PRPF39: variants seen among roughly 807,000 people sequenced by gnomAD.
The protein encoded by PRPF39 is pre-mRNA-processing factor 39.
In PRPF39, 27 loss-of-function variants were observed where a neutral mutation model predicts 82.1. That is an observed-to-expected ratio of 0.33 (90% CI 0.24 to 0.45). The LOEUF (loss-of-function observed/expected upper bound fraction) is 0.45. Ranked by LOEUF, PRPF39 falls within the 20% of genes least tolerant of loss-of-function variation. PRPF39 has a pLI of 1.00. For synonymous variants in PRPF39, 261 were observed against 256.4 expected, an observed-to-expected ratio of 1.02 and a Z score of -0.17; for missense variants, 581 against 796.9, an observed-to-expected ratio of 0.73 and a Z score of 3.26.
intron 1 of PRPF39, among the ~76,000 whole-genome samples, chr14:45,092,949 T>A (rs988269275): frequency 5.3e-5 from 8 of 152,114 alleles, no homozygotes; most frequent in South Asian, 4.1e-4. Context: ...GCTGGCTTTT[T>A]AAAAAAATAA....
chr14:45,109,670 T>C lies in PRPF39; in HGVS notation c.1066T>C (p.Trp356Arg). The change falls in exon 8 of 14, where the codon TGG becomes CGG. Residue 356 changes from tryptophan to arginine, a missense_variant. Physicochemically the swap from Trp to Arg is moderately radical, Grantham distance 101. Coordinates refer to ENST00000355765, the MANE Select transcript of PRPF39 (RefSeq NM_017922.4). ...KPLEKAQLKN[W>R]KEYLEFEIEN... ...TTTGGAAAAGGCACAACTAAAAAAC[T>C]GGAAAGAATACTTAGAATTTGAAAT... 2 of 1,608,234 alleles carry C rather than the reference T, an allele frequency of 1.2e-6. No homozygotes were observed. Among genetic ancestry groups the C allele is most frequent in the Non-Finnish European group, 1.7e-6 (2 of 1,176,736 alleles).
chr14:45,108,636 C>T, intron 7 of PRPF39, 114 bp downstream of exon 7: 1 of 1,313,818 alleles, frequency 7.6e-7, no homozygotes, highest in African/African-American at 1.6e-5. Flanking sequence ...ATATTTAAGC[C>T]ATAACTTCAG....
chr14:45,103,505 G>C (rs1461637412), intron 5 of PRPF39, among the ~76,000 whole-genome samples: 1 of 151,866 alleles, frequency 6.6e-6, no homozygotes, highest in Non-Finnish European at 1.5e-5. Flanking sequence ...CTTTTTAAGT[G>C]AGTGATTTTC....
intron 7 of PRPF39, among the ~76,000 whole-genome samples, chr14:45,108,840 A>G (rs11847336): frequency 0.1 from 15,206 of 152,134 alleles, 1,001 homozygotes; most frequent in African/African-American, 0.19. Context: ...CCCATTTTAG[A>G]TATATAGTAA....
chr14:45,085,158 T>C (rs964866814), intron 1 of PRPF39, among the ~76,000 whole-genome samples: 14 of 152,130 alleles, frequency 9.2e-5, no homozygotes, highest in African/African-American at 3.4e-4. Flanking sequence ...GTATGGGAGC[T>C]TGAATGGAGT....
intron 13 of PRPF39, 25 bp from the exon 14 acceptor site, chr14:45,114,832 T>TAAC (rs762766229): frequency 6.4e-7 from 1 of 1,560,078 alleles, no homozygotes; most frequent in South Asian, 1.1e-5. Context: ...TCTAATATGC[T>TAAC]AACATACTTA....
In PRPF39 at chr14:45,109,732, T is replaced by C. The variant is rs1379941394; in HGVS notation, c.1128T>C (p.Phe376=). The C allele has an allele frequency of 1.2e-6, 2 of 1,608,886 alleles. No individual in the cohort carries two copies. The highest frequency in any genetic ancestry group is 4.5e-5 in the East Asian group (2 of 44,802). ...CTCATGAACGAGTTGTGGTTCTCTT[T>C]GAAAGATGTGTCATATCATGTGCCC... ...NGTHERVVVL[F]ERCVISCALY... The change falls in exon 8 of 14, where the codon TTT becomes TTC. Residue 376 remains phenylalanine, a synonymous_variant. Coordinates refer to ENST00000355765, the MANE Select transcript of PRPF39 (RefSeq NM_017922.4).
chr14:45,100,797 T>C (rs913746043), intron 4 of PRPF39, among the ~76,000 whole-genome samples: 6 of 152,216 alleles, frequency 3.9e-5, no homozygotes, highest in Admixed American at 3.3e-4. Flanking sequence ...TTTTATCATA[T>C]GGAGTTTTAT....
Position 45,115,224 on chromosome 14 carries a change from C to T in PRPF39, c.*311C>T. ...TAGCCTTAAGGGGTAGGAAGAAAAA[C>T]CTGACTGCAAATCATGTCAGTGTAG... On this transcript the variant is annotated 3_prime_UTR_variant, in exon 14 of 14. Coordinates refer to ENST00000355765, the MANE Select transcript of PRPF39 (RefSeq NM_017922.4). 5.6e-6 allele frequency: 1 copy of T among 179,202 alleles called. No individual in the cohort carries two copies. The highest frequency in any genetic ancestry group is 1.6e-4 in the South Asian group (1 of 6,356). 11.1% of individuals were successfully genotyped at this position (179,202 alleles called of 1,614,324 possible).
chr14:45,109,460 A>G (rs774677046), intron 7 of PRPF39, among the ~76,000 whole-genome samples, 156 bp from the exon 8 acceptor site: 7 of 152,194 alleles, frequency 4.6e-5, no homozygotes, highest in Non-Finnish European at 5.9e-5. Context: ...AGCTTAAGGA[A>G]TTTAAGGGTT....
chr14:45,109,091 C>G (rs966465029), intron 7 of PRPF39, among the ~76,000 whole-genome samples: 1 of 152,150 alleles, frequency 6.6e-6, no homozygotes, highest in African/African-American at 2.4e-5. Context: ...CCCTCTACCC[C>G]CAGTGCTAAG....
intron 1 of PRPF39, among the ~76,000 whole-genome samples, chr14:45,087,740 A>ATTTTTTTTTTT (rs35926249): frequency 1.6e-5 from 2 of 123,426 alleles, no homozygotes; most frequent in African/African-American, 6.1e-5. Context: ...TGCCCGGCTA[A>ATTTTTTTTTTT]TTTTTTTTTT....
At chr14:45,095,728 GC>G (rs1884177235) in intron 2 of PRPF39, 165 bp downstream of exon 2, 2 of 914,460 alleles carry the variant, frequency 2.2e-6, no homozygotes, top group Admixed American at 3.0e-5. Flanking sequence ...ATAGCTTACA[GC>G]TTTTGTATGT....
At chr14:45,094,109 T>C (rs1884125688) in intron 1 of PRPF39, among the ~76,000 whole-genome samples, 1 of 150,970 alleles carries the variant, frequency 6.6e-6, no homozygotes, top group South Asian at 2.1e-4. Context: ...TTTAATTAAC[T>C]ACTATTAATA....
chr14:45,114,894 A>T lies in PRPF39; in HGVS notation c.1991A>T (p.Tyr664Phe). ...AATCCTTGGAATTATGGACAATATTATCCTCCCCCTCCAACCTGATGGGAA... is the reference window on the plus strand; with the variant it reads ...AATCCTTGGAATTATGGACAATATTTTCCTCCCCCTCCAACCTGATGGGAA... ...YQNPWNYGQY[Y>F]PPPPT The change falls in exon 14 of 14, where the codon TAT becomes TTT. Residue 664 changes from tyrosine to phenylalanine, a missense_variant. Coordinates refer to ENST00000355765, the MANE Select transcript of PRPF39 (RefSeq NM_017922.4). 1 of 1,599,744 alleles carries T rather than the reference A, an allele frequency of 6.3e-7. No homozygotes were observed. The highest frequency in any genetic ancestry group is 8.6e-7 in the Non-Finnish European group (1 of 1,167,386).
At chr14:45,089,844 A>G (rs933649402) in intron 1 of PRPF39, among the ~76,000 whole-genome samples, 2 of 152,374 alleles carry the variant, frequency 1.3e-5, no homozygotes, top group South Asian at 2.1e-4. Context: ...TCATTAAAAA[A>G]TAACTTTAGT....
chr14:45,091,357 G>A lies in PRPF39; in HGVS notation c.-19-3864G>A, dbSNP rs570119681. The stretch of plus-strand genomic sequence containing the variant: ...GAATCTCACTTTGTTCCCCAGGCTG[G>A]TCTGGAACATCTGGCTTCAAGCGAT... On this transcript the variant is annotated intron_variant, in intron 1 of 13. Transcript: ENST00000355765. 3.9e-5 allele frequency among the ~76,000 whole-genome samples: 6 copies of A among 152,224 alleles called. No individual in the cohort carries two copies. The South Asian group carries it at 1.2e-3, about 32-fold the overall frequency.
Position 45,114,624 on chromosome 14 carries a change from C to T in PRPF39, c.1953+10C>T. The T allele has an allele frequency of 1.3e-6, 2 of 1,596,358 alleles. No individual in the cohort carries two copies. Among genetic ancestry groups the T allele is most frequent in the Non-Finnish European group, 1.7e-6 (2 of 1,174,938 alleles). ...TAGTGCGTGGTATCAAGTGAGTCTG[C>T]ATAATTATAATTCTTTGTTCATAGA... On this transcript the variant is annotated intron_variant, in intron 13 of 13. Coordinates refer to ENST00000355765, the MANE Select transcript of PRPF39 (RefSeq NM_017922.4).
intron 1 of PRPF39, among the ~76,000 whole-genome samples, chr14:45,087,740 ATTT>A (rs35926249): frequency 1.5e-4 from 18 of 123,418 alleles, no homozygotes; most frequent in African/African-American, 1.8e-4. Flanking sequence ...TGCCCGGCTA[ATTT>A]TTTTTTTTTT....
Sources: gnomAD v4.1 joint callset for allele counts (sites outside exome capture counted in the v4.1 genomes callset) on GRCh38, gnomAD v4.1.1 for gene constraint, MANE v1.5 for transcripts, NCBI Gene and HGNC (gene_info 2026-07-23, HGNC 2026-07-21) for gene names.